NLRC5: variants seen among roughly 807,000 people sequenced by gnomAD.
NLRC5 encodes protein NLRC5.
NLRC5 carries 114 observed loss-of-function variants against 206.9 expected under a neutral mutation model. That is an observed-to-expected ratio of 0.55 (90% CI 0.47 to 0.64). The LOEUF (loss-of-function observed/expected upper bound fraction) is 0.64. NLRC5 is among the 30% of genes least tolerant of loss of function. NLRC5 has a pLI of 0.00. For synonymous variants in NLRC5, 952 were observed against 962.8 expected, an observed-to-expected ratio of 0.99 and a Z score of 0.21; for missense variants, 2,008 against 2,305.5, an observed-to-expected ratio of 0.87 and a Z score of 2.64.
chr16:57,080,841 G>A, intron 46 of NLRC5: 1 of 473,082 alleles, frequency 2.1e-6, no homozygotes. Flanking sequence ...AAATACAGGA[G>A]GTACATGTAT....
chr16:57,000,086 C>T (rs1186265140), intron 1 of NLRC5, among the ~76,000 whole-genome samples: 1 of 152,174 alleles, frequency 6.6e-6, no homozygotes, highest in Non-Finnish European at 1.5e-5. Context: ...AACCACTGGC[C>T]TGGAAGCCCC....
intron 1 of NLRC5, among the ~76,000 whole-genome samples, chr16:56,990,455 A>C (rs2056675141): frequency 6.6e-6 from 1 of 152,228 alleles, no homozygotes; most frequent in East Asian, 1.9e-4. Flanking sequence ...TTGTTTTGTT[A>C]CTTGCTTTCT....
intron 40 of NLRC5, 26 bp downstream of exon 40, chr16:57,076,928 C>T: frequency 1.2e-6 from 2 of 1,606,808 alleles, no homozygotes; most frequent in Non-Finnish European, 1.7e-6. Context: ...TGCCCCCAGA[C>T]CCAGGACAAT....
chr16:57,034,196 G>A lies in NLRC5; in HGVS notation c.2572G>A (p.Asp858Asn). 1.2e-6 allele frequency: 2 copies of A among 1,614,134 alleles called. No individual in the cohort carries two copies. Among genetic ancestry groups the A allele is most frequent in the East Asian group, 2.2e-5 (1 of 44,874 alleles). Reference sequence around the variant, plus strand: ...GCAGAAGTGTCAGCTCCAGGTCCACGATGCGGAGGCCCTCATAGCCCTGCT... The same window carrying A: ...GCAGAAGTGTCAGCTCCAGGTCCACAATGCGGAGGCCCTCATAGCCCTGCT... ...RLQKCQLQVH[D>N]AEALIALLQE... The change falls in exon 13 of 49, where the codon GAT becomes AAT. Residue 858 changes from aspartate to asparagine, a missense_variant. By Grantham distance (23) the Asp-to-Asn change is conservative. Transcript: ENST00000688547.
intron 15 of NLRC5, among the ~76,000 whole-genome samples, chr16:57,038,218 C>T (rs137991929): frequency 2.7e-4 from 41 of 152,154 alleles, no homozygotes; most frequent in African/African-American, 9.6e-4. Context: ...AATATAGGTG[C>T]AGTTTCAATA....
chr16:56,999,278 C>T (rs2057986512), intron 1 of NLRC5, among the ~76,000 whole-genome samples: 1 of 152,234 alleles, frequency 6.6e-6, no homozygotes, highest in South Asian at 2.1e-4. Context: ...CAGTCGATCA[C>T]ATTGTGTATT....
chr16:57,082,544 C>G lies in NLRC5; in HGVS notation c.*16C>G. ...GGGTACTTGATGGCCCCCTCAAGAC[C>G]TTTGGAATCCAGCCAAGTGATGCAC... On this transcript the variant is annotated 3_prime_UTR_variant, in exon 49 of 49. Transcript: ENST00000688547. 6.4e-7 allele frequency: 1 copy of G among 1,571,202 alleles called. No individual in the cohort carries two copies. The highest frequency in any genetic ancestry group is 1.1e-5 in the South Asian group (1 of 89,510).
Position 57,054,390 on chromosome 16 carries a change from A to T in NLRC5, c.3507-361A>T, listed in dbSNP as rs150714412. 2.9e-3 allele frequency among the ~76,000 whole-genome samples: 447 copies of T among 152,272 alleles called. 2 individuals are homozygous for T. Among genetic ancestry groups the T allele is most frequent in the Middle Eastern group, 0.024 (7 of 294 alleles). ...CCTGTGAAATCTGTGCTTGCAGGTA[A>T]AAACAATAGTAATAATAACAGCAAG... On this transcript the variant is annotated intron_variant, in intron 24 of 48. Coordinates refer to ENST00000688547, the MANE Select transcript of NLRC5 (RefSeq NM_001384950.1).
chr16:57,010,797 T>C (rs762872293), intron 1 of NLRC5, among the ~76,000 whole-genome samples: 8 of 152,278 alleles, frequency 5.3e-5, no homozygotes, highest in Non-Finnish European at 1.2e-4. Flanking sequence ...TTTTGTGAGC[T>C]ATCACTGATA....
intron 29 of NLRC5, 200 bp downstream of exon 29, chr16:57,059,261 G>A (rs2066090547): frequency 6.8e-7 from 1 of 1,468,370 alleles, no homozygotes; most frequent in East Asian, 2.5e-5. Context: ...GTGCCATGGG[G>A]ACCATGGAGG....
intron 23 of NLRC5, among the ~76,000 whole-genome samples, chr16:57,048,976 C>T (rs2064412465): frequency 6.6e-6 from 1 of 152,184 alleles, no homozygotes; most frequent in Non-Finnish European, 1.5e-5. Context: ...GCAAGTTACT[C>T]CACCACACCC....
chr16:57,024,214 A>AT (rs1346273607), intron 5 of NLRC5, among the ~76,000 whole-genome samples: 2 of 152,010 alleles, frequency 1.3e-5, no homozygotes, highest in Non-Finnish European at 2.9e-5. Flanking sequence ...GTGAGCAGGG[A>AT]TGGGGAGGGG....
At chr16:57,067,517 C>T (rs748500526) in intron 35 of NLRC5, 47 bp downstream of exon 35, 37 of 1,562,652 alleles carry the variant, frequency 2.4e-5, no homozygotes, top group Non-Finnish European at 3.1e-5. Flanking sequence ...CTCTGGTTGA[C>T]CCTGGTACCT....
At chr16:57,048,734 A>G (rs544568317) in intron 23 of NLRC5, among the ~76,000 whole-genome samples, 4 of 152,240 alleles carry the variant, frequency 2.6e-5, no homozygotes, top group Middle Eastern at 3.4e-3. Context: ...GGGTTTCACC[A>G]TGTTGGCCAG....
At chr16:57,072,432 A>G (rs1017555556) in intron 38 of NLRC5, among the ~76,000 whole-genome samples, 2 of 152,150 alleles carry the variant, frequency 1.3e-5, no homozygotes, top group Non-Finnish European at 1.5e-5. Flanking sequence ...GAGGGGTGGT[A>G]TTTCAGGATG....
chr16:57,051,732 C>G (rs1426933282), intron 24 of NLRC5, 111 bp downstream of exon 24: 5 of 746,116 alleles, frequency 6.7e-6, no homozygotes, highest in Non-Finnish European at 1.2e-5. Context: ...GCCTTTACCC[C>G]CTCCAACCCC....
chr16:57,029,105 T>C (rs1350768140), intron 8 of NLRC5, among the ~76,000 whole-genome samples: 2 of 152,116 alleles, frequency 1.3e-5, no homozygotes, highest in African/African-American at 2.4e-5. Flanking sequence ...TGGACCACAG[T>C]CCCTATTGTC....
chr16:57,040,356 A>G (rs2063131107), intron 16 of NLRC5, among the ~76,000 whole-genome samples: 1 of 152,236 alleles, frequency 6.6e-6, no homozygotes, highest in Admixed American at 6.5e-5. Flanking sequence ...ACATCTCTGA[A>G]GCACAGATGA....
chr16:56,996,861 T>A (rs2057677283), intron 1 of NLRC5, among the ~76,000 whole-genome samples: 1 of 152,106 alleles, frequency 6.6e-6, no homozygotes, highest in Admixed American at 6.5e-5. Context: ...TCAGCATAGA[T>A]TTTATTGTTT....
Sources: gnomAD v4.1 joint callset for allele counts (sites outside exome capture counted in the v4.1 genomes callset) on GRCh38, gnomAD v4.1.1 for gene constraint, MANE v1.5 for transcripts, NCBI Gene and HGNC (gene_info 2026-07-23, HGNC 2026-07-21) for gene names.